Variants in FER observed in about 807,000 individuals in gnomAD.
FER encodes the protein FER tyrosine kinase.
A neutral mutation model predicts 111.0 loss-of-function variants in FER; 63 were observed. The ratio of observed to expected loss-of-function variants is 0.57; its 90% confidence interval spans 0.46 to 0.70. The LOEUF is 0.70. FER is among the 30% of genes least tolerant of loss of function. The pLI, the probability that FER is intolerant of heterozygous loss-of-function variation, is 0.00. For synonymous variants in FER, 327 were observed against 313.9 expected, an observed-to-expected ratio of 1.04 and a Z score of -0.44; for missense variants, 914 against 954.0, an observed-to-expected ratio of 0.96 and a Z score of 0.55.
intron 16 of FER, among the ~76,000 whole-genome samples, chr5:109,076,148 A>G (rs756774027): frequency 1.3e-5 from 2 of 152,138 alleles, no homozygotes; most frequent in African/African-American, 4.8e-5. Flanking sequence ...CTAAGAATTT[A>G]TATCAAAAAA....
chr5:109,182,335 C>T (rs1449157537), intron 18 of FER, among the ~76,000 whole-genome samples: 7 of 152,148 alleles, frequency 4.6e-5, no homozygotes, highest in African/African-American at 1.4e-4. Flanking sequence ...TGTCTTTCAG[C>T]GTGTCAGCAA....
chr5:108,838,514 G>T (rs1157845398), intron 5 of FER, among the ~76,000 whole-genome samples: 1 of 152,132 alleles, frequency 6.6e-6, no homozygotes, highest in Non-Finnish European at 1.5e-5. Flanking sequence ...GGACTCAAGG[G>T]TTCAGTTCCT....
At chr5:108,811,317 T>C (rs1401545905) in intron 3 of FER, among the ~76,000 whole-genome samples, 5 of 152,230 alleles carry the variant, frequency 3.3e-5, no homozygotes, top group Non-Finnish European at 7.3e-5. Context: ...TACCATGTTA[T>C]ATTACTTAAT....
chr5:108,810,082 G>A (rs955417955), intron 3 of FER, among the ~76,000 whole-genome samples: 6 of 151,906 alleles, frequency 3.9e-5, no homozygotes, highest in East Asian at 1.9e-4. Context: ...TTCTTTTCTT[G>A]TGATATTATT....
At chr5:109,068,020 A>G (rs978966392) in intron 16 of FER, among the ~76,000 whole-genome samples, 4 of 152,144 alleles carry the variant, frequency 2.6e-5, no homozygotes, top group Non-Finnish European at 5.9e-5. Context: ...AGAATGTCAG[A>G]AAGTATTTTT....
chr5:108,849,917 C>T (rs189268633), intron 5 of FER, among the ~76,000 whole-genome samples: 12 of 152,202 alleles, frequency 7.9e-5, no homozygotes, highest in South Asian at 6.2e-4. Flanking sequence ...TAGGGCCAGG[C>T]GCGGTGGCTC....
Position 108,937,898 on chromosome 5 carries a change from T to C in FER, c.1237-8232T>C, listed in dbSNP as rs985369566. Among the ~76,000 whole-genome samples, 3 of 151,792 alleles carry C rather than the reference T, an allele frequency of 2.0e-5. No individual in the cohort carries two copies. In the South Asian group the frequency reaches 6.2e-4, roughly 32 times the overall value. ...TATATAACTCTTTTAGGAATTTTTT[T>C]TTATAAAGGGCAAGCAGTAGCTGGA... is the stretch of plus-strand genomic sequence containing the variant. On this transcript the variant is annotated intron_variant, in intron 10 of 19. Transcript: ENST00000281092.
intron 3 of FER, among the ~76,000 whole-genome samples, chr5:108,815,362 T>C (rs1758172334): frequency 6.6e-6 from 1 of 152,142 alleles, no homozygotes; most frequent in Non-Finnish European, 1.5e-5. Flanking sequence ...ATTTTGCATA[T>C]CCAGCAGAAA....
At chr5:108,813,437 G>A (rs749197770) in intron 3 of FER, among the ~76,000 whole-genome samples, 8 of 151,992 alleles carry the variant, frequency 5.3e-5, no homozygotes, top group African/African-American at 1.7e-4. Flanking sequence ...ATCAACTTTG[G>A]AAAGTTTTCA....
intron 16 of FER, among the ~76,000 whole-genome samples, chr5:109,095,508 T>C (rs1183216132): frequency 6.6e-6 from 1 of 152,080 alleles, no homozygotes; most frequent in African/African-American, 2.4e-5. Flanking sequence ...CTCATAAATA[T>C]ACCCTATATG....
At chr5:109,006,396 C>G (rs1327273152) in intron 13 of FER, among the ~76,000 whole-genome samples, 10 of 152,182 alleles carry the variant, frequency 6.6e-5, no homozygotes, top group South Asian at 4.1e-4. Context: ...GGGAGTTCCT[C>G]TGCAAGTGTT....
intron 17 of FER, among the ~76,000 whole-genome samples, chr5:109,133,355 A>C (rs1306917866): frequency 2.0e-5 from 3 of 152,210 alleles, no homozygotes; most frequent in African/African-American, 7.2e-5. Context: ...TTCAACTTGC[A>C]GCAGCAGCAA....
chr5:109,001,299 T>G (rs560722197), intron 13 of FER, among the ~76,000 whole-genome samples: 12 of 152,318 alleles, frequency 7.9e-5, no homozygotes, highest in African/African-American at 2.9e-4. Context: ...TCAAGTGGGC[T>G]TCTTCCCTGG....
At chr5:109,047,340 C>T (rs899805905) in intron 16 of FER, 142 bp downstream of exon 16, 10 of 522,002 alleles carry the variant, frequency 1.9e-5, no homozygotes, top group Non-Finnish European at 3.4e-6. Context: ...GAGTCTGTAC[C>T]TATAGTCAGT....
intron 17 of FER, among the ~76,000 whole-genome samples, chr5:109,178,346 C>G (rs538361630): frequency 2.4e-3 from 368 of 152,252 alleles, no homozygotes; most frequent in African/African-American, 8.3e-3. Flanking sequence ...TTTAGATTGG[C>G]CTCTCATAGA....
chr5:108,796,774 G>T (rs1159121187), intron 2 of FER, among the ~76,000 whole-genome samples: 1 of 152,054 alleles, frequency 6.6e-6, no homozygotes, highest in Non-Finnish European at 1.5e-5. Context: ...AGGGCAGTGG[G>T]CTCCTCTCTG....
At chr5:108,892,980 A>C (rs1373682626) in intron 9 of FER, among the ~76,000 whole-genome samples, 2 of 152,124 alleles carry the variant, frequency 1.3e-5, no homozygotes, top group East Asian at 3.8e-4. Context: ...ATAGTTGTAG[A>C]TATGCGGCAT....
intron 17 of FER, among the ~76,000 whole-genome samples, chr5:109,174,101 T>G (rs1757435982): frequency 2.0e-5 from 3 of 152,068 alleles, no homozygotes; most frequent in African/African-American, 7.2e-5. Context: ...GGGGCCACTT[T>G]TAGAAATAAG....
chr5:109,003,844 G>A (rs1202397504), intron 13 of FER, among the ~76,000 whole-genome samples: 2 of 152,050 alleles, frequency 1.3e-5, no homozygotes, highest in Non-Finnish European at 2.9e-5. Context: ...GCTGGGCATG[G>A]TGGCGCACAC....
Sources: gnomAD v4.1 joint callset for allele counts (sites outside exome capture counted in the v4.1 genomes callset) on GRCh38, gnomAD v4.1.1 for gene constraint, MANE v1.5 for transcripts, NCBI Gene and HGNC (gene_info 2026-07-23, HGNC 2026-07-21) for gene names.